CACNA1C: variants seen among roughly 807,000 people sequenced by gnomAD.
CACNA1C encodes the protein voltage-dependent L-type calcium channel subunit alpha-1C.
Under a neutral mutation model 229.0 loss-of-function variants are expected in CACNA1C, and 30 were observed. The observed-to-expected ratio is 0.13, with a 90% CI of 0.10 to 0.18. The LOEUF (loss-of-function observed/expected upper bound fraction) is 0.18. Ranked by LOEUF, CACNA1C falls within the 10% of genes least tolerant of loss-of-function variation. The pLI is 1.00. For missense variants in CACNA1C, 1,658 were observed against 2,845.0 expected, an observed-to-expected ratio of 0.58 and a Z score of 9.49; for synonymous variants, 1,114 against 1,132.5, an observed-to-expected ratio of 0.98 and a Z score of 0.33.
chr12:2,341,731 C>G (rs1237463853), intron 3 of CACNA1C, among the ~76,000 whole-genome samples: 3 of 152,210 alleles, frequency 2.0e-5, no homozygotes, highest in African/African-American at 7.2e-5. Context: ...AAGTCTGGAA[C>G]TAGTACGAGC....
intron 9 of CACNA1C, among the ~76,000 whole-genome samples, chr12:2,542,353 T>A (rs980173406): frequency 3.3e-5 from 5 of 152,230 alleles, no homozygotes; most frequent in Non-Finnish European, 7.3e-5. Context: ...CTTGGAGACT[T>A]GCTTTCAGCA....
intron 1 of CACNA1C, among the ~76,000 whole-genome samples, chr12:1,998,421 A>T (rs2041443817): frequency 6.6e-6 from 1 of 152,176 alleles, no homozygotes; most frequent in Non-Finnish European, 1.5e-5. Context: ...TGCCATATCC[A>T]GTGACTTAGG....
intron 21 of CACNA1C, among the ~76,000 whole-genome samples, chr12:2,599,904 C>T (rs1442590104): frequency 1.3e-5 from 2 of 152,222 alleles, no homozygotes; most frequent in Non-Finnish European, 2.9e-5. Context: ...CCCCCACATG[C>T]ACACACATGC....
intron 3 of CACNA1C, among the ~76,000 whole-genome samples, chr12:2,351,434 C>T (rs2097199145): frequency 6.6e-6 from 1 of 152,172 alleles, no homozygotes; most frequent in Non-Finnish European, 1.5e-5. Flanking sequence ...CTGGAATAAA[C>T]AAGGCAGCGG....
intron 3 of CACNA1C, among the ~76,000 whole-genome samples, chr12:2,161,973 C>T (rs967055749): frequency 2.0e-5 from 3 of 152,148 alleles, no homozygotes; most frequent in African/African-American, 4.8e-5. Flanking sequence ...TTCTGTTTCT[C>T]GTGATATGTT....
intron 43 of CACNA1C, among the ~76,000 whole-genome samples, chr12:2,683,308 ACTTG>A (rs2097271775): frequency 6.6e-6 from 1 of 152,214 alleles, no homozygotes; most frequent in Non-Finnish European, 1.5e-5. Flanking sequence ...GCTGGGAAAC[ACTTG>A]CTTAATTGCC....
intron 30 of CACNA1C, among the ~76,000 whole-genome samples, chr12:2,645,937 C>T (rs534173547): frequency 2.0e-5 from 3 of 152,270 alleles, no homozygotes; most frequent in South Asian, 2.1e-4. Context: ...TTGTCATTAC[C>T]GGGGCAGGAG....
intron 3 of CACNA1C, among the ~76,000 whole-genome samples, chr12:2,374,143 C>T (rs763090762): frequency 4.6e-5 from 7 of 152,212 alleles, no homozygotes; most frequent in Admixed American, 1.3e-4. Flanking sequence ...AGTCTTCCCA[C>T]GTGCACGTTT....
chr12:2,420,848 G>A, intron 3 of CACNA1C, among the ~76,000 whole-genome samples: 1 of 152,220 alleles, frequency 6.6e-6, no homozygotes, highest in Non-Finnish European at 1.5e-5. Flanking sequence ...TCACTGTGAA[G>A]ATGGAATGGG....
rs778935835 is a variant in CACNA1C at position 2,597,088 on chromosome 12, G to C, written c.2794-142G>C. 2.2e-4 allele frequency: 140 copies of C among 638,058 alleles called. No individual in the cohort carries two copies. The highest frequency in any genetic ancestry group is 3.4e-4 in the Non-Finnish European group (121 of 352,882). 39.5% of individuals were successfully genotyped at this position (638,058 alleles called of 1,614,324 possible). On this transcript the variant is annotated intron_variant, in intron 20 of 46. Transcript: ENST00000399655. This position sits in a 1 kb window ranked among gnomAD's most constrained non-coding sequence, Gnocchi z 4.3. ...CCGCTTGCCCCCCATGTCCATCTGT[G>C]TCCCTGTGCAAAGGCTTAAGTGCCA...
At chr12:2,026,782 C>G (rs1250741341) in intron 1 of CACNA1C, among the ~76,000 whole-genome samples, 1 of 152,148 alleles carries the variant, frequency 6.6e-6, no homozygotes, top group Non-Finnish European at 1.5e-5. Context: ...TGAGAGTTTA[C>G]TGTGTACAAG....
At position 2,103,117 on chromosome 12, in the gene CACNA1C, G is replaced by T. The variant is rs377592668; in HGVS notation, c.50-12107G>T. ...ATATACCCAGTAATGGGATTGCTGGGTCAAATGGTATTTCTAGTTCTAGTT... is the reference window on the plus strand; with the variant it reads ...ATATACCCAGTAATGGGATTGCTGGTTCAAATGGTATTTCTAGTTCTAGTT... On this transcript the variant is annotated intron_variant, in intron 1 of 46. Coordinates refer to ENST00000399655, the MANE Select transcript of CACNA1C (RefSeq NM_000719.7). 2.0e-4 allele frequency among the ~76,000 whole-genome samples: 31 copies of T among 152,312 alleles called. No homozygotes were observed. In the East Asian group the frequency reaches 5.6e-3, roughly 27 times the overall value.
rs1217965818 is a variant in CACNA1C, at chr12:2,512,759, G to T, written c.1218-53G>T. 7.3e-7 allele frequency: 1 copy of T among 1,377,314 alleles called. No homozygotes were observed. The highest frequency in any genetic ancestry group is 9.9e-7 in the Non-Finnish European group (1 of 1,010,388). The allele number at this position is 1,377,314 out of a possible 1,614,324, so 85.3% of individuals were successfully genotyped here. ...CCTTCCATCCTCGACCCTTCTCGGTGCTCCCTCCTTCTCTGTGCTCTCCTG... is the reference window on the plus strand; with the variant it reads ...CCTTCCATCCTCGACCCTTCTCGGTTCTCCCTCCTTCTCTGTGCTCTCCTG... On this transcript the variant is annotated intron_variant, in intron 8 of 46. Transcript: ENST00000399655. This position sits in a 1 kb window ranked among gnomAD's most constrained non-coding sequence, Gnocchi z 4.3.
At chr12:2,142,132 C>G (rs115581865) in intron 3 of CACNA1C, among the ~76,000 whole-genome samples, 5,937 of 151,216 alleles carry the variant, frequency 0.039, 352 homozygotes, top group African/African-American at 0.11. Context: ...TTATGAGTGC[C>G]GCAGTGTGCA....
chr12:2,561,413 G>A (rs545229673), intron 11 of CACNA1C, among the ~76,000 whole-genome samples: 3 of 152,360 alleles, frequency 2.0e-5, no homozygotes, highest in Admixed American at 6.5e-5. Context: ...GCCTGTGAGC[G>A]CTGTGCTAGC....
At chr12:2,440,118 TGTG>T (rs2099205965) in intron 3 of CACNA1C, among the ~76,000 whole-genome samples, 1 of 152,220 alleles carries the variant, frequency 6.6e-6, no homozygotes, top group Admixed American at 6.5e-5. Context: ...CTTTTTTTAT[TGTG>T]GTAAAATATA....
intron 3 of CACNA1C, among the ~76,000 whole-genome samples, chr12:2,436,310 G>A (rs933749364): frequency 1.3e-5 from 2 of 152,184 alleles, no homozygotes; most frequent in African/African-American, 2.4e-5. Context: ...ACTAGGCGGG[G>A]AAATATTGGG....
intron 1 of CACNA1C, among the ~76,000 whole-genome samples, chr12:1,993,831 G>C (rs1341382261): frequency 6.6e-6 from 1 of 152,108 alleles, no homozygotes; most frequent in African/African-American, 2.4e-5. Flanking sequence ...ATTATATGAA[G>C]AAAATTTTCA....
At chr12:1,996,525 G>T (rs1412849177) in intron 1 of CACNA1C, among the ~76,000 whole-genome samples, 2 of 148,232 alleles carry the variant, frequency 1.3e-5, no homozygotes, top group Non-Finnish European at 3.0e-5. Context: ...TAAAGCAGGG[G>T]TGTCCAATCT....
Sources: gnomAD v4.1 joint callset for allele counts (sites outside exome capture counted in the v4.1 genomes callset) on GRCh38, gnomAD v4.1.1 for gene constraint, Gnocchi (gnomAD v3.1) non-coding constraint, MANE v1.5 for transcripts, NCBI Gene and HGNC (gene_info 2026-07-23, HGNC 2026-07-21) for gene names.